Variants in ABCG1 observed in about 807,000 individuals in gnomAD.
ABCG1 encodes the protein ATP-binding cassette sub-family G member 1.
In ABCG1, 29 loss-of-function variants were observed where a neutral mutation model predicts 69.2. That is an observed-to-expected ratio of 0.42 (90% CI 0.31 to 0.57). The LOEUF is 0.57. Ranked by LOEUF, ABCG1 falls within the 20% of genes least tolerant of loss-of-function variation. The probability of loss-of-function intolerance (pLI) is 0.15; values close to 1 mark genes in which losing one functional copy is unlikely to be tolerated. For synonymous variants in ABCG1, 370 were observed against 374.8 expected (o/e 0.99, Z 0.15); for missense variants, 718 against 898.1 (o/e 0.80, Z 2.56).
At chr21:42,268,571 A>G (rs1308177947) in intron 2 of ABCG1, among the ~76,000 whole-genome samples, 1 of 152,118 alleles carries the variant, frequency 6.6e-6, no homozygotes, top group Non-Finnish European at 1.5e-5. Context: ...CACTTTTAAG[A>G]TTCTTCAATT....
Position 42,291,449 on chromosome 21 carries a change from C to T in ABCG1, c.1495-49C>T. The T allele has an allele frequency of 6.3e-7, 1 of 1,577,938 alleles. No homozygotes were observed. On this transcript the variant is annotated intron_variant, in intron 12 of 14. Coordinates refer to ENST00000398449, the MANE Select transcript of ABCG1 (RefSeq NM_016818.3). This position sits in a 1 kb window ranked among gnomAD's most constrained non-coding sequence, Gnocchi z 6.4. ...GCCCAGGAGCTTTGCTGTTGGCCTG[C>T]TGTGGTGGGAAGCGGCTGAGCCCGC...
rs955615944 is a variant in ABCG1 at position 42,237,346 on chromosome 21, G to C, written c.286+11432G>C. The stretch of plus-strand genomic sequence containing the variant: ...ATGGGCTAGCCAGGCTGAACTGCCA[G>C]TCATTCTAGCATTTGTGCTTTCTTT... On this transcript the variant is annotated intron_variant, in intron 2 of 14. Coordinates refer to ENST00000398449, the MANE Select transcript of ABCG1 (RefSeq NM_016818.3). 3.3e-5 allele frequency among the ~76,000 whole-genome samples: 5 copies of C among 152,222 alleles called. No homozygotes were observed. The South Asian group carries it at 1.0e-3, about 32-fold the overall frequency.
At chr21:42,212,957 T>G (rs1325623404), upstream of ABCG1, among the ~76,000 whole-genome samples, 1 of 152,202 alleles carries the variant, frequency 6.6e-6, no homozygotes, top group Non-Finnish European at 1.5e-5. Flanking sequence ...CCTCCCAAAG[T>G]GCTGGGATTA....
chr21:42,293,028 C>A (rs1192862340), intron 13 of ABCG1, among the ~76,000 whole-genome samples: 1 of 143,490 alleles, frequency 7.0e-6, no homozygotes, highest in Non-Finnish European at 1.5e-5. Flanking sequence ...ACACACCACA[C>A]TACACACTAC....
At chr21:42,231,944 G>A (rs2067907335) in intron 2 of ABCG1, among the ~76,000 whole-genome samples, 1 of 152,246 alleles carries the variant, frequency 6.6e-6, no homozygotes, top group Admixed American at 6.5e-5. Context: ...GGGATGGCTT[G>A]CTTGAGGCTG....
chr21:42,210,334 G>A (rs548952427), intron 2 of ABCG1, among the ~76,000 whole-genome samples: 3 of 152,146 alleles, frequency 2.0e-5, no homozygotes, highest in Non-Finnish European at 4.4e-5. Flanking sequence ...TGGAGGAAAC[G>A]TGGGGTACAC....
chr21:42,207,231 A>C (rs2067550370), intron 2 of ABCG1, among the ~76,000 whole-genome samples: 1 of 152,158 alleles, frequency 6.6e-6, no homozygotes. Flanking sequence ...CTGTATATAC[A>C]GTCCTACAGG....
intron 2 of ABCG1, among the ~76,000 whole-genome samples, chr21:42,238,995 ATGTAACAAGGAGGTTAAGATGAAT>A (rs1389111497): frequency 6.6e-6 from 1 of 152,272 alleles, no homozygotes; most frequent in African/African-American, 2.4e-5. Flanking sequence ...CTAAATTAAT[ATGTAACAAGGAGGTTAAGATGAAT>A]TGAACTATAT....
rs1475067306 is a variant in ABCG1 at position 42,283,719 on chromosome 21, CA to C, written c.735-840del. On this transcript the variant is annotated intron_variant, in intron 6 of 14. Coordinates refer to ENST00000398449, the MANE Select transcript of ABCG1 (RefSeq NM_016818.3). ...ACCTGGACAGTTGTGAAGTACCACC[CA>C]CCACCCAGATGAGTGGGGACCCCCC... Among the ~76,000 whole-genome samples the C allele has an allele frequency of 6.6e-4, 59 of 90,044 alleles. 3 individuals are homozygous for C. The highest frequency in any genetic ancestry group is 1.8e-3 in the African/African-American group (33 of 18,064). The allele number at this position is 90,044 out of a possible 152,430, so 59.1% of individuals were successfully genotyped here. A position where few individuals can be genotyped will look rare whatever the true frequency, so the allele number is the denominator to read the frequency against.
intron 2 of ABCG1, among the ~76,000 whole-genome samples, chr21:42,261,226 C>G (rs887375920): frequency 1.3e-5 from 2 of 151,898 alleles, no homozygotes; most frequent in African/African-American, 4.8e-5. Flanking sequence ...TCCCGCCCCA[C>G]CCAGGCAGCT....
chr21:42,272,822 C>CTCTCTGCTCCTT (rs2068639903), intron 3 of ABCG1, among the ~76,000 whole-genome samples: 1 of 152,244 alleles, frequency 6.6e-6, no homozygotes, highest in African/African-American at 2.4e-5. Flanking sequence ...CTGGTCCGGG[C>CTCTCTGCTCCTT]CCCAGGCCCC....
chr21:42,261,376 G>A (rs1288062807), intron 2 of ABCG1, among the ~76,000 whole-genome samples: 1 of 152,200 alleles, frequency 6.6e-6, no homozygotes, highest in Non-Finnish European at 1.5e-5. Context: ...GGGGTGACGG[G>A]AGCGGCCGGT....
Position 42,201,020 on chromosome 21 carries a change from A to G in ABCG1, c.-99-557A>G, listed in dbSNP as rs138209474. ...TGTGCCATGGTGGTTTGCTGCACCT[A>G]TCAACCAACCACCTAGGTGTTAAGC... is the stretch of plus-strand genomic sequence containing the variant. On this transcript the variant is annotated intron_variant, in intron 1 of 15. Coordinates refer to the ABCG1 transcript ENST00000398457. Among the ~76,000 whole-genome samples the G allele has an allele frequency of 1.1e-3, 162 of 151,626 alleles. 1 individual carries two copies. In the East Asian group the frequency reaches 0.024, roughly 22 times the overall value.
chr21:42,276,827 G>T lies in ABCG1; in HGVS notation c.538-68G>T. 1 of 1,539,614 alleles carries T rather than the reference G, an allele frequency of 6.5e-7. No homozygotes were observed. ...CTAGCTGCACCGTGGCCTGCAGTGCGGGCATGAGGCTCACACTGCCAGTGG... is the reference window on the plus strand; with the variant it reads ...CTAGCTGCACCGTGGCCTGCAGTGCTGGCATGAGGCTCACACTGCCAGTGG... On this transcript the variant is annotated intron_variant, in intron 4 of 14. Coordinates refer to ENST00000398449, the MANE Select transcript of ABCG1 (RefSeq NM_016818.3). This position sits in a 1 kb window ranked among gnomAD's most constrained non-coding sequence, Gnocchi z 5.3.
chr21:42,201,696 G>A lies in ABCG1; in HGVS notation c.21G>A (p.Trp7Ter). ...TCTTGATGCTGGGAACGCAGGGGTGGACAAAACAGAGAAAGCCCTGCCCTC... is the reference window on the plus strand; with the variant it reads ...TCTTGATGCTGGGAACGCAGGGGTGAACAAAACAGAGAAAGCCCTGCCCTC... Residue 7 changes from tryptophan to a stop codon, truncating the protein, a stop_gained, in exon 2 of 16, where the codon TGG becomes TGA. Transcript: ENST00000398457. LOFTEE classifies it high-confidence loss of function. The A allele has an allele frequency of 6.2e-7, 1 of 1,613,856 alleles. No homozygotes were observed. The highest frequency in any genetic ancestry group is 2.2e-5 in the East Asian group (1 of 44,882).
chr21:42,227,399 C>T (rs2067833963), intron 2 of ABCG1, among the ~76,000 whole-genome samples: 2 of 152,146 alleles, frequency 1.3e-5, no homozygotes, highest in Admixed American at 6.5e-5. Flanking sequence ...GTTTTGGCGT[C>T]GTTTGTCTAT....
At chr21:42,265,568 A>G (rs1428812105) in intron 2 of ABCG1, among the ~76,000 whole-genome samples, 1 of 152,176 alleles carries the variant, frequency 6.6e-6, no homozygotes, top group Non-Finnish European at 1.5e-5. Flanking sequence ...TGGCAGAGAC[A>G]GGGGAGGTCC....
chr21:42,258,483 T>C (rs1394794269), intron 2 of ABCG1, among the ~76,000 whole-genome samples: 1 of 144,762 alleles, frequency 6.9e-6, no homozygotes, highest in African/African-American at 2.5e-5. Flanking sequence ...CATCCCTCTC[T>C]CCATCCAGAG....
chr21:42,224,348 G>A (rs1417372662), intron 1 of ABCG1, among the ~76,000 whole-genome samples: 1 of 152,206 alleles, frequency 6.6e-6, no homozygotes, highest in Admixed American at 6.5e-5. Flanking sequence ...GGGGCATTGG[G>A]ACCAGCTGGG....
Sources: gnomAD v4.1 joint callset for allele counts (sites outside exome capture counted in the v4.1 genomes callset) on GRCh38, gnomAD v4.1.1 for gene constraint, Gnocchi (gnomAD v3.1) non-coding constraint, MANE v1.5 for transcripts, NCBI Gene and HGNC (gene_info 2026-07-23, HGNC 2026-07-21) for gene names.